TRMU: variants seen among roughly 807,000 people sequenced by gnomAD.
TRMU encodes mitochondrial tRNA-specific 2-thiouridylase 1.
In TRMU, 49 loss-of-function variants were observed where a neutral mutation model predicts 46.9. That is an observed-to-expected ratio of 1.05 (90% CI 0.83 to 1.33). The LOEUF (loss-of-function observed/expected upper bound fraction) is 1.33, where lower values mean the gene tolerates loss of function less well. Among genes scored for constraint, TRMU ranks in the 40% most tolerant of loss-of-function variants. The pLI, the probability that TRMU is intolerant of heterozygous loss-of-function variation, is 0.00. For synonymous variants in TRMU, 241 were observed against 200.9 expected, an observed-to-expected ratio of 1.20 and a Z score of -1.69; for missense variants, 572 against 532.4, an observed-to-expected ratio of 1.07 and a Z score of -0.73.
rs754502289 is a variant in TRMU, at chr22:46,353,759, T to G, written c.773-8T>G. 3.1e-6 allele frequency: 5 copies of G among 1,613,146 alleles called. No homozygotes were observed. The highest frequency in any genetic ancestry group is 1.7e-5 in the Admixed American group (1 of 59,976). ...GCCCAGCCTCATGGAGAAACTGTCT[T>G]TCTGTAGGTTGGTTCCTGTATACCT... is the stretch of plus-strand genomic sequence containing the variant. On this transcript the variant is annotated splice_polypyrimidine_tract_variant and splice_region_variant and intron_variant, in intron 7 of 10. Transcript: ENST00000645190.
At position 46,338,102 on chromosome 22, in the gene TRMU, G is replaced by C; in HGVS notation, c.248+158G>C. 9.9e-7 allele frequency: 1 copy of C among 1,010,804 alleles called. No homozygotes were observed. The highest frequency in any genetic ancestry group is 1.5e-6 in the Non-Finnish European group (1 of 659,002). The allele number at this position is 1,010,804 out of a possible 1,614,324, so 62.6% of individuals were successfully genotyped here. A position where few individuals can be genotyped will look rare whatever the true frequency, so the allele number is the denominator to read the frequency against. On this transcript the variant is annotated intron_variant, in intron 2 of 10. Transcript: ENST00000645190. The surrounding 1 kb of genome is among the most constrained non-coding windows in gnomAD (Gnocchi z 4.5). ...GCAAGAGGCCTCAGCCACCCTCGGGGCTCTGTGTTAGAGGCGAGGCCTGGA... is the reference window on the plus strand; with the variant it reads ...GCAAGAGGCCTCAGCCACCCTCGGGCCTCTGTGTTAGAGGCGAGGCCTGGA...
chr22:46,345,753 C>T (rs2078237780), intron 3 of TRMU, among the ~76,000 whole-genome samples: 1 of 150,272 alleles, frequency 6.7e-6, no homozygotes. Flanking sequence ...CAGTGTTGAA[C>T]ATTTTGGTTC....
At chr22:46,353,400 T>C (rs1294090685) in intron 7 of TRMU, 5 of 336,930 alleles carry the variant, frequency 1.5e-5, no homozygotes, top group East Asian at 7.4e-5. Context: ...AGATGGACAC[T>C]GTGAAGACGT....
Position 46,353,820 on chromosome 22 carries a change from C to G in TRMU, c.826C>G (p.Pro276Ala), listed in dbSNP as rs760819046. The G allele has an allele frequency of 4.3e-6, 7 of 1,613,938 alleles. No homozygotes were observed. Among genetic ancestry groups the G allele is most frequent in the Non-Finnish European group, 5.9e-6 (7 of 1,179,872 alleles). The change falls in exon 8 of 11, where the codon CCC (proline) becomes GCC (alanine). Residue 276 changes from proline to alanine, a missense_variant. By Grantham distance (27) the Pro-to-Ala change is conservative. Coordinates refer to ENST00000645190, the MANE Select transcript of TRMU (RefSeq NM_018006.5). Reference sequence around the variant, plus strand: ...AGCAAACATAGGTGGCCTGAGAGAGCCCTGGTACGTGGTGGAGAAGGACAG... The same window carrying G: ...AGCAAACATAGGTGGCCTGAGAGAGGCCTGGTACGTGGTGGAGAAGGACAG... ...QRANIGGLRE[P>A]WYVVEKDSVK...
rs2078396724 is a variant in TRMU at position 46,350,793 on chromosome 22, C to T, written c.651+330C>T. 6.6e-6 allele frequency among the ~76,000 whole-genome samples: 1 copy of T among 152,186 alleles called. No homozygotes were observed. The highest frequency in any genetic ancestry group is 1.5e-5 in the Non-Finnish European group (1 of 68,028). Reference sequence around the variant, plus strand: ...GAGTGCCAGGCAGTGTGATGCAGCCCCGAGACCCCTGGAGGGGCAGGTGCT... The same window carrying T: ...GAGTGCCAGGCAGTGTGATGCAGCCTCGAGACCCCTGGAGGGGCAGGTGCT... On this transcript the variant is annotated intron_variant, in intron 5 of 10. Coordinates refer to ENST00000645190, the MANE Select transcript of TRMU (RefSeq NM_018006.5). This position sits in a 1 kb window ranked among gnomAD's most constrained non-coding sequence, Gnocchi z 4.6.
rs1601975068 is a variant in TRMU, at chr22:46,351,735, G to A, written c.652-386G>A. 2.8e-6 allele frequency: 1 copy of A among 361,672 alleles called. No homozygotes were observed. Among genetic ancestry groups the A allele is most frequent in the East Asian group, 6.9e-5 (1 of 14,592 alleles). 22.4% of individuals were successfully genotyped at this position (361,672 alleles called of 1,614,324 possible). On this transcript the variant is annotated intron_variant, in intron 5 of 10. Coordinates refer to ENST00000645190, the MANE Select transcript of TRMU (RefSeq NM_018006.5). This position sits in a 1 kb window ranked among gnomAD's most constrained non-coding sequence, Gnocchi z 6.4. ...GCCTCTCTCCTCTGACTCCCCTGGAGCCCTCCCCTAAGGCCTTAGCTTCAG... is the reference window on the plus strand; with the variant it reads ...GCCTCTCTCCTCTGACTCCCCTGGAACCCTCCCCTAAGGCCTTAGCTTCAG...
rs890417302 is a variant in TRMU, at chr22:46,347,135, GAATTCCCTGTATTGTT to G, written c.478+592_478+607del. 2.0e-5 allele frequency among the ~76,000 whole-genome samples: 3 copies of G among 152,190 alleles called. No homozygotes were observed. The highest frequency in any genetic ancestry group is 7.2e-5 in the African/African-American group (3 of 41,442). Reference sequence around the variant, plus strand: ...GTGTACATTCGTGTGTAGAAAAGAGGAATTCCCTGTATTGTTGAGTGAAAAACCAAGTGGGGCTCAG... The same window carrying G: ...GTGTACATTCGTGTGTAGAAAAGAGGGAGTGAAAAACCAAGTGGGGCTCAG... On this transcript the variant is annotated intron_variant, in intron 4 of 10. Coordinates refer to ENST00000645190, the MANE Select transcript of TRMU (RefSeq NM_018006.5). The surrounding 1 kb of genome is among the most constrained non-coding windows in gnomAD (Gnocchi z 5.0).
intron 4 of TRMU, among the ~76,000 whole-genome samples, chr22:46,346,953 T>C (rs1188276628): frequency 1.3e-5 from 2 of 152,396 alleles, no homozygotes; most frequent in East Asian, 3.9e-4. Context: ...TTCAACGTGC[T>C]GTGAGCACAG....
rs898267377 is a variant in TRMU, at chr22:46,335,739, A to G, written c.-26A>G. 1.3e-6 allele frequency: 2 copies of G among 1,543,892 alleles called. No homozygotes were observed. The highest frequency in any genetic ancestry group is 1.7e-6 in the Non-Finnish European group (2 of 1,147,982). On this transcript the variant is annotated 5_prime_UTR_variant, in exon 1 of 11. Transcript: ENST00000645190. ...AAGGCGCGGAAGCGGCGGTAGCTGC[A>G]GCTGGCGAAGTTGGGCGACTGGCGG...
intron 2 of TRMU, among the ~76,000 whole-genome samples, chr22:46,341,954 CTG>C (rs1882900112): frequency 6.6e-6 from 1 of 151,912 alleles, no homozygotes; most frequent in Admixed American, 6.6e-5. Context: ...AAGCCTCTGA[CTG>C]TGTTTCTCCT....
rs117447747 is a variant in TRMU at position 46,356,296 on chromosome 22, C to T, written c.1101+224C>T. ...TGTCACCAACCAGCCAGTTCCTGCT[C>T]GGGCCCTGAGAGGCTCAGCTGCTGC... On this transcript the variant is annotated intron_variant, in intron 10 of 10. Coordinates refer to ENST00000645190, the MANE Select transcript of TRMU (RefSeq NM_018006.5). The T allele has an allele frequency of 0.015, 8,509 of 574,796 alleles. 148 individuals carry two copies. Among genetic ancestry groups the T allele is most frequent in the South Asian group, 0.051 (2,610 of 51,216 alleles). The allele number at this position is 574,796 out of a possible 1,614,324, so 35.6% of individuals were successfully genotyped here.
chr22:46,338,590 T>G lies in TRMU; in HGVS notation c.248+646T>G, dbSNP rs1402304946. Among the ~76,000 whole-genome samples the G allele has an allele frequency of 1.3e-5, 2 of 152,000 alleles. No individual in the cohort carries two copies. Among genetic ancestry groups the G allele is most frequent in the Admixed American group, 1.3e-4 (2 of 15,250 alleles). ...ACCCAGAGGAGGGAGAAACTTGCAG[T>G]GTGGAGTAATCAAGAAGGCTTCACC... On this transcript the variant is annotated intron_variant, in intron 2 of 10. Transcript: ENST00000645190. This position sits in a 1 kb window ranked among gnomAD's most constrained non-coding sequence, Gnocchi z 4.5.
rs939351120 is a variant in TRMU, at chr22:46,342,040, A to C, written c.249-1222A>C. ...AAGGTGTGGGGGGTTTTCCCCATACAGCAAGCAGTGGACACCGACTGGGTG... is the reference window on the plus strand; with the variant it reads ...AAGGTGTGGGGGGTTTTCCCCATACCGCAAGCAGTGGACACCGACTGGGTG... On this transcript the variant is annotated intron_variant, in intron 2 of 10. Transcript: ENST00000645190. The surrounding 1 kb of genome is among the most constrained non-coding windows in gnomAD (Gnocchi z 4.7). Among the ~76,000 whole-genome samples, 2 of 152,206 alleles carry C rather than the reference A, an allele frequency of 1.3e-5. No homozygotes were observed. The highest frequency in any genetic ancestry group is 2.9e-5 in the Non-Finnish European group (2 of 68,028).
chr22:46,352,990 G>C, intron 7 of TRMU: 1 of 166,958 alleles, frequency 6.0e-6, no homozygotes, highest in Non-Finnish European at 1.3e-5. Context: ...CTGGCCAGGA[G>C]AGCCAGGCTG....
At chr22:46,337,398 TTAGA>T (rs533615174) in intron 1 of TRMU, among the ~76,000 whole-genome samples, 32 of 152,378 alleles carry the variant, frequency 2.1e-4, no homozygotes, top group South Asian at 1.0e-3. Flanking sequence ...AATCTAAGTC[TTAGA>T]TAGTAACTAG....
At chr22:46,356,331 A>C (rs2078607198) in intron 10 of TRMU, 1 of 531,916 alleles carries the variant, frequency 1.9e-6, no homozygotes, top group Non-Finnish European at 3.4e-6. Context: ...CCCGGGCCCC[A>C]GAAGCGAGGA....
At position 46,351,670 on chromosome 22, in the gene TRMU, C is replaced by T; in HGVS notation, c.652-451C>T. ...GGGCCACGGTGGAGAGCGCACGCCA[C>T]CCAGGCTCCCCAGCTAGGGCAGATG... On this transcript the variant is annotated intron_variant, in intron 5 of 10. Transcript: ENST00000645190. The surrounding 1 kb of genome is among the most constrained non-coding windows in gnomAD (Gnocchi z 6.4). 3.4e-6 allele frequency: 1 copy of T among 293,788 alleles called. No homozygotes were observed. Among genetic ancestry groups the T allele is most frequent in the South Asian group, 3.4e-5 (1 of 29,030 alleles). The allele number at this position is 293,788 out of a possible 1,614,324, so 18.2% of individuals were successfully genotyped here.
In TRMU at chr22:46,337,814, G is replaced by C. The variant is rs863224240; in HGVS notation, c.118G>C (p.Asp40His). ...GACAGGGGTGTTTATGAAGAACTGG[G>C]ACTCACTGGATGAACATGGGGTCTG... ...QVTGVFMKNWDSLDEHGVCTA... is the reference protein window; with the variant it reads ...QVTGVFMKNWHSLDEHGVCTA... Residue 40 changes from aspartate (D) to histidine (H), a missense_variant, in exon 2 of 11, where the codon GAC (aspartate) becomes CAC (histidine). Coordinates refer to ENST00000645190, the MANE Select transcript of TRMU (RefSeq NM_018006.5). 1.9e-6 allele frequency: 3 copies of C among 1,614,116 alleles called. No individual in the cohort carries two copies. In the African/African-American group the frequency reaches 4.0e-5, roughly 22 times the overall value.
In TRMU at chr22:46,348,632, A is replaced by T. The variant is rs1236568224; in HGVS notation, c.479-1659A>T. ...CGGCGTGTCAGTGAGGCTCCAGCAC[A>T]GGCAGCCTCCTCCAAATGTTGTTCA... On this transcript the variant is annotated intron_variant, in intron 4 of 10. Coordinates refer to ENST00000645190, the MANE Select transcript of TRMU (RefSeq NM_018006.5). This position sits in a 1 kb window ranked among gnomAD's most constrained non-coding sequence, Gnocchi z 4.8. 1.3e-5 allele frequency among the ~76,000 whole-genome samples: 2 copies of T among 152,354 alleles called. No individual in the cohort carries two copies. Among genetic ancestry groups the T allele is most frequent in the South Asian group, 4.1e-4 (2 of 4,834 alleles).
Sources: gnomAD v4.1 joint callset for allele counts (sites outside exome capture counted in the v4.1 genomes callset) on GRCh38, gnomAD v4.1.1 for gene constraint, Gnocchi (gnomAD v3.1) non-coding constraint, MANE v1.5 for transcripts, NCBI Gene and HGNC (gene_info 2026-07-23, HGNC 2026-07-21) for gene names.